ABLIM2: variants seen among roughly 807,000 people sequenced by gnomAD.
ABLIM2 encodes actin-binding LIM protein 2.
In ABLIM2, 53 loss-of-function variants were observed where a neutral mutation model predicts 97.7. The observed-to-expected ratio is 0.54, with a 90% CI of 0.44 to 0.68. The LOEUF (loss-of-function observed/expected upper bound fraction) is 0.68, where lower values mean the gene tolerates loss of function less well. Among genes scored for constraint, ABLIM2 ranks in the 30% least tolerant of loss-of-function variants. ABLIM2 has a pLI of 0.00. For synonymous variants in ABLIM2, 361 were observed against 345.8 expected (o/e 1.04, Z -0.49); for missense variants, 835 against 867.2 (o/e 0.96, Z 0.47).
In ABLIM2 at chr4:8,091,596, A is replaced by AT. The variant is rs1254032230; in HGVS notation, c.339-3313_339-3312insA. On this transcript the variant is annotated intron_variant, in intron 3 of 20. Coordinates refer to ENST00000447017, the MANE Select transcript of ABLIM2 (RefSeq NM_001130083.2). ...TAATTTTATATAAAATTATATATAT[A>AT]ATTATATATATTATGTATAATTTTA... Among the ~76,000 whole-genome samples the AT allele has an allele frequency of 5.0e-4, 14 of 27,862 alleles. 2 individuals are homozygous for AT. The East Asian group carries it at 0.012, about 24-fold the overall frequency. 18.3% of individuals were successfully genotyped at this position (27,862 alleles called of 152,430 possible).
At position 8,072,801 on chromosome 4, in the gene ABLIM2, C is replaced by A. The variant is rs901626737; in HGVS notation, c.675+4827G>T. Reference sequence around the variant, plus strand: ...TTGGCCTGGCTGAGCATCAGAGCCACCAGCGCATAAGAGGAGCAGGGTCAG... The same window carrying A: ...TTGGCCTGGCTGAGCATCAGAGCCAACAGCGCATAAGAGGAGCAGGGTCAG... On this transcript the variant is annotated intron_variant, in intron 6 of 20. Transcript: ENST00000447017. The surrounding 1 kb of genome is among the most constrained non-coding windows in gnomAD (Gnocchi z 5.8). Among the ~76,000 whole-genome samples the A allele has an allele frequency of 2.6e-5, 4 of 152,086 alleles. No individual in the cohort carries two copies. The highest frequency in any genetic ancestry group is 2.0e-4 in the Admixed American group (3 of 15,274).
At chr4:8,126,167 G>T (rs73075966) in intron 1 of ABLIM2, among the ~76,000 whole-genome samples, 2 of 152,100 alleles carry the variant, frequency 1.3e-5, no homozygotes, top group African/African-American at 2.4e-5. Flanking sequence ...GCTGAGGGGG[G>T]GCTATGGACA....
chr4:8,003,321 A>T lies in ABLIM2; in HGVS notation c.1618+4738T>A, dbSNP rs1419811836. On this transcript the variant is annotated intron_variant, in intron 16 of 20. Coordinates refer to ENST00000447017, the MANE Select transcript of ABLIM2 (RefSeq NM_001130083.2). The surrounding 1 kb of genome is among the most constrained non-coding windows in gnomAD (Gnocchi z 4.2). ...CATCTAGCACACAGCCTGGTGCATC[A>T]TAGAGGGCTGGCCGTCTCATGTCAT... is the stretch of plus-strand genomic sequence containing the variant. Among the ~76,000 whole-genome samples the T allele has an allele frequency of 1.3e-5, 2 of 152,208 alleles. No homozygotes were observed.
chr4:7,973,075 C>CTGTGTGTGTGTGTGTGTGGGTGTGTGTG (rs1729457966), intron 20 of ABLIM2, among the ~76,000 whole-genome samples: 1 of 123,978 alleles, frequency 8.1e-6, no homozygotes, highest in Non-Finnish European at 1.7e-5. Flanking sequence ...GCTCCCCTTG[C>CTGTGTGTGTGTGTGTGTGGGTGTGTGTG]TGTGTGTGTG....
intron 5 of ABLIM2, among the ~76,000 whole-genome samples, chr4:8,079,305 C>T (rs897068815): frequency 5.3e-5 from 8 of 152,248 alleles, no homozygotes; most frequent in African/African-American, 1.4e-4. Flanking sequence ...GCAACACCAA[C>T]GCCCTCCTTG....
At chr4:8,045,313 G>C (rs1791588510) in intron 8 of ABLIM2, 72 bp from the exon 9 acceptor site, 1 of 1,364,728 alleles carries the variant, frequency 7.3e-7, no homozygotes, top group Non-Finnish European at 1.0e-6. Context: ...ACTGTCAGGA[G>C]TTCCACTCCA....
chr4:8,038,611 A>T (rs901954052), intron 9 of ABLIM2, among the ~76,000 whole-genome samples: 20 of 152,080 alleles, frequency 1.3e-4, no homozygotes, highest in African/African-American at 4.8e-4. Context: ...TTCCCTGATC[A>T]CCAGGCTTGA....
At chr4:7,979,192 C>T (rs1736049159) in intron 20 of ABLIM2, among the ~76,000 whole-genome samples, 1 of 152,174 alleles carries the variant, frequency 6.6e-6, no homozygotes, top group African/African-American at 2.4e-5. Context: ...CCAAATGTCC[C>T]ACAAGCTGCC....
chr4:8,074,065 T>C (rs925391061), intron 6 of ABLIM2, among the ~76,000 whole-genome samples: 16 of 102,108 alleles, frequency 1.6e-4, no homozygotes, highest in East Asian at 3.1e-4. Context: ...CTAGCCTGAA[T>C]GACAAGAGTA....
At chr4:8,116,967 T>G (rs1275799034) in intron 1 of ABLIM2, among the ~76,000 whole-genome samples, 4 of 152,234 alleles carry the variant, frequency 2.6e-5, no homozygotes, top group African/African-American at 9.7e-5. Context: ...CTCCCTGGTA[T>G]AGACAGTAGG....
intron 8 of ABLIM2, among the ~76,000 whole-genome samples, chr4:8,050,286 A>G (rs1795127340): frequency 6.6e-6 from 1 of 152,224 alleles, no homozygotes. Flanking sequence ...TTCCGTGGAC[A>G]GGTCCTTGTC....
intron 7 of ABLIM2, among the ~76,000 whole-genome samples, chr4:8,059,979 T>C (rs1801929456): frequency 1.3e-5 from 2 of 151,842 alleles, no homozygotes; most frequent in South Asian, 2.1e-4. Context: ...GCGTGTCCTG[T>C]GTGTCCTCAT....
In ABLIM2 at chr4:8,015,457, C is replaced by T. The variant is rs548022999; in HGVS notation, c.1423+4161G>A. ...AGCCTGCCGTTCCTCCCCATCCCGC[C>T]GGTCCCCAAACCAAAATGAGACTCC... On this transcript the variant is annotated intron_variant, in intron 14 of 20. Transcript: ENST00000447017. The surrounding 1 kb of genome is among the most constrained non-coding windows in gnomAD (Gnocchi z 4.6). Among the ~76,000 whole-genome samples, 100 of 152,208 alleles carry T rather than the reference C, an allele frequency of 6.6e-4. 1 individual carries two copies. Among genetic ancestry groups the T allele is most frequent in the African/African-American group, 2.0e-3 (85 of 41,540 alleles).
At chr4:8,053,679 A>C (rs962682360) in intron 8 of ABLIM2, among the ~76,000 whole-genome samples, 2 of 152,242 alleles carry the variant, frequency 1.3e-5, no homozygotes, top group African/African-American at 4.8e-5. Context: ...TGTGTTGGAA[A>C]CTTGGTGTCC....
intron 7 of ABLIM2, 32 bp downstream of exon 7, chr4:8,060,935 T>C: frequency 6.5e-7 from 1 of 1,538,290 alleles, no homozygotes; most frequent in South Asian, 1.2e-5. Context: ...TTCCTTGCTC[T>C]AGGGGACCAA....
At chr4:8,049,117 C>T (rs1449724611) in intron 8 of ABLIM2, among the ~76,000 whole-genome samples, 1 of 152,232 alleles carries the variant, frequency 6.6e-6, no homozygotes, top group African/African-American at 2.4e-5. Context: ...GAGCATCCTG[C>T]ACATCGGAGG....
intron 1 of ABLIM2, among the ~76,000 whole-genome samples, chr4:8,135,832 G>A (rs1453702624): frequency 6.6e-6 from 1 of 152,214 alleles, no homozygotes; most frequent in Non-Finnish European, 1.5e-5. Context: ...AGCACATCAG[G>A]ACAATAAGAG....
chr4:8,066,137 T>TA (rs933793109), intron 6 of ABLIM2, among the ~76,000 whole-genome samples: 8 of 146,756 alleles, frequency 5.5e-5, no homozygotes, highest in East Asian at 2.1e-4. Flanking sequence ...CTGTCTCTAC[T>TA]AAAAAAAAAT....
intron 20 of ABLIM2, among the ~76,000 whole-genome samples, chr4:7,976,828 TACAC>T (rs1402245023): frequency 6.6e-6 from 1 of 151,464 alleles, no homozygotes; most frequent in Non-Finnish European, 1.5e-5. Flanking sequence ...TAGACGCACA[TACAC>T]ACATGCACAC....
Sources: allele counts gnomAD v4.1 joint callset (sites outside exome capture counted in the v4.1 genomes callset), GRCh38; gene constraint gnomAD v4.1.1; non-coding constraint Gnocchi (gnomAD v3.1); transcripts MANE v1.5; gene names NCBI Gene and HGNC (gene_info 2026-07-23, HGNC 2026-07-21).